Variants in MAP3K19 observed in about 807,000 individuals in gnomAD.
MAP3K19 encodes mitogen-activated protein kinase kinase kinase 19.
A neutral mutation model predicts 114.4 loss-of-function variants in MAP3K19; 91 were observed. The observed-to-expected ratio is 0.80, with a 90% CI of 0.67 to 0.95. MAP3K19 has a LOEUF of 0.95. MAP3K19 is among the 40% of genes least tolerant of loss of function. The pLI is 0.00. For synonymous variants in MAP3K19, 518 were observed against 530.5 expected (o/e 0.98, Z 0.32); for missense variants, 1,471 against 1,573.2 (o/e 0.94, Z 1.10).
chr2:135,002,441 T>G (rs918706910), intron 6 of MAP3K19, among the ~76,000 whole-genome samples: 1 of 151,662 alleles, frequency 6.6e-6, no homozygotes, highest in African/African-American at 2.4e-5. Flanking sequence ...TTATTTTATT[T>G]TATTTGTTAA....
At chr2:135,001,286 T>A (rs1258427823) in intron 6 of MAP3K19, among the ~76,000 whole-genome samples, 1 of 152,228 alleles carries the variant, frequency 6.6e-6, no homozygotes, top group Non-Finnish European at 1.5e-5. Context: ...AGGAGACAAC[T>A]TGATTGCATG....
intron 2 of MAP3K19, among the ~76,000 whole-genome samples, chr2:135,038,816 C>A (rs1688586098): frequency 6.6e-6 from 1 of 151,932 alleles, no homozygotes; most frequent in African/African-American, 2.4e-5. Context: ...CGAGATCATG[C>A]CACTGAACTC....
In MAP3K19 at chr2:134,988,082, G is replaced by C. The variant is rs762962857; in HGVS notation, c.790C>G (p.Pro264Ala). The C allele has an allele frequency of 6.2e-7, 1 of 1,613,844 alleles. No homozygotes were observed. Among genetic ancestry groups the C allele is most frequent in the South Asian group, 1.1e-5 (1 of 91,030 alleles). ...QSDELSPSNE[P>A]PGALVKSLMD... ...AACGACTTAACTAGGGCTCCCGGAG[G>C]CTCGTTTGATGGGCTGAGCTCATCA... Residue 264 changes from proline to alanine, a missense_variant, in exon 10 of 13, where the codon CCT (proline) becomes GCT (alanine). Physicochemically the swap from Pro to Ala is conservative, Grantham distance 27 (BLOSUM62 -1). Coordinates refer to ENST00000392915, the MANE Select transcript of MAP3K19 (RefSeq NM_025052.5).
intron 5 of MAP3K19, among the ~76,000 whole-genome samples, chr2:135,018,270 G>A (rs886810497): frequency 3.8e-5 from 5 of 130,822 alleles, no homozygotes; most frequent in African/African-American, 1.5e-4. Flanking sequence ...CAGCAGCCTT[G>A]GCAACAACAG....
chr2:134,998,699 ACCAAAAGG>A, intron 8 of MAP3K19, 31 bp downstream of exon 8: 1 of 1,556,730 alleles, frequency 6.4e-7, no homozygotes, highest in Non-Finnish European at 8.7e-7. Flanking sequence ...ATATTTGTTG[ACCAAAAGG>A]ACTCACTGTG....
At chr2:135,003,854 C>T (rs1244086413) in intron 6 of MAP3K19, among the ~76,000 whole-genome samples, 1 of 152,122 alleles carries the variant, frequency 6.6e-6, no homozygotes, top group African/African-American at 2.4e-5. Context: ...GTGCCCGGTC[C>T]ATTTAAAGAG....
intron 12 of MAP3K19, among the ~76,000 whole-genome samples, chr2:134,977,048 A>G (rs947132268): frequency 1.4e-4 from 17 of 117,636 alleles, no homozygotes; most frequent in African/African-American, 5.2e-4. Flanking sequence ...TCCGTCTCGG[A>G]AAAAAAAAAA....
At chr2:135,018,703 T>C (rs1201793857) in intron 5 of MAP3K19, among the ~76,000 whole-genome samples, 1 of 152,122 alleles carries the variant, frequency 6.6e-6, no homozygotes, top group East Asian at 1.9e-4. Context: ...AGTAAATCAG[T>C]GGAGGAAGTA....
intron 8 of MAP3K19, among the ~76,000 whole-genome samples, chr2:134,992,849 T>C (rs2105264111): frequency 6.6e-6 from 1 of 152,046 alleles, no homozygotes; most frequent in African/African-American, 2.4e-5. Flanking sequence ...TTTTGTGTAT[T>C]TTTTATTTTT....
intron 1 of MAP3K19, among the ~76,000 whole-genome samples, chr2:135,040,814 G>A (rs1440003306): frequency 6.6e-6 from 1 of 152,168 alleles, no homozygotes; most frequent in Non-Finnish European, 1.5e-5. Context: ...GGAGAAGAGA[G>A]GATGTATCCA....
chr2:134,984,321 A>G (rs1684934437), intron 10 of MAP3K19, among the ~76,000 whole-genome samples: 3 of 152,200 alleles, frequency 2.0e-5, no homozygotes, highest in South Asian at 2.1e-4. Context: ...TCATACACAC[A>G]TATTCACATA....
rs192434665 is a variant in MAP3K19 at position 134,981,425 on chromosome 2, G to A, written c.3316C>T (p.Arg1106Trp). The stretch of plus-strand genomic sequence containing the variant: ...AAATCTACTTCTTCCTGTAGTTTCC[G>A]GTATTCCTTTTCAGCAGCTAATTTA... ...SNKLAAEKEY[R>W]KLQEEVDLLK... is the part of the protein sequence containing the mutation. Residue 1106 changes from arginine to tryptophan, a missense_variant, in exon 12 of 13, where the codon CGG becomes TGG. Transcript: ENST00000392915. The A allele has an allele frequency of 1.9e-4, 300 of 1,614,154 alleles. No individual in the cohort carries two copies. The highest frequency in any genetic ancestry group is 1.9e-4 in the Non-Finnish European group (227 of 1,180,036).
chr2:135,002,458 G>A (rs1035518495), intron 6 of MAP3K19, among the ~76,000 whole-genome samples: 5 of 151,248 alleles, frequency 3.3e-5, no homozygotes, highest in African/African-American at 4.9e-5. Context: ...TTAAATTTCC[G>A]TGGGTACATA....
intron 1 of MAP3K19, among the ~76,000 whole-genome samples, chr2:135,043,752 GC>G (rs985181549): frequency 1.3e-5 from 2 of 152,146 alleles, no homozygotes; most frequent in African/African-American, 4.8e-5. Context: ...CCTGTGTTCT[GC>G]CCATTCATTC....
intron 12 of MAP3K19, among the ~76,000 whole-genome samples, chr2:134,973,137 T>G (rs1683989713): frequency 6.6e-6 from 1 of 152,220 alleles, no homozygotes; most frequent in South Asian, 2.1e-4. Context: ...AGGTATCTGT[T>G]GTGTCTGTTT....
intron 6 of MAP3K19, 151 bp from the exon 7 acceptor site, chr2:135,000,166 T>C: frequency 1.6e-6 from 1 of 618,414 alleles, no homozygotes; most frequent in Non-Finnish European, 2.9e-6. Flanking sequence ...TCTTTGTATC[T>C]TTCCTGTTCA....
chr2:134,981,648 C>G lies in MAP3K19; in HGVS notation c.3223-130G>C, dbSNP rs981839636. The stretch of plus-strand genomic sequence containing the variant: ...CTTTCTCTAAGTTGATACCTCCCTT[C>G]CTAAATGCAAAGTGTTTAAGCAAAT... On this transcript the variant is annotated intron_variant, in intron 11 of 12. Transcript: ENST00000392915. 3.7e-5 allele frequency: 26 copies of G among 708,288 alleles called. No individual in the cohort carries two copies. The African/African-American group carries it at 4.3e-4, about 12-fold the overall frequency. The allele number at this position is 708,288 out of a possible 1,614,324, so 43.9% of individuals were successfully genotyped here.
intron 5 of MAP3K19, among the ~76,000 whole-genome samples, chr2:135,018,880 T>C (rs923209230): frequency 2.6e-5 from 4 of 152,116 alleles, no homozygotes; most frequent in Admixed American, 1.3e-4. Flanking sequence ...AGCTCAGGAA[T>C]GCGAGACTAG....
chr2:135,037,157 C>T (rs796940002), intron 2 of MAP3K19, among the ~76,000 whole-genome samples: 7 of 152,238 alleles, frequency 4.6e-5, no homozygotes, highest in African/African-American at 9.6e-5. Flanking sequence ...CCATCATGCC[C>T]GGCTAATATT....
Sources: allele counts gnomAD v4.1 joint callset (sites outside exome capture counted in the v4.1 genomes callset), GRCh38; gene constraint gnomAD v4.1.1; transcripts MANE v1.5; gene names NCBI Gene and HGNC (gene_info 2026-07-23, HGNC 2026-07-21).